PTPRU: variants seen among roughly 807,000 people sequenced by gnomAD.
The protein encoded by PTPRU is protein tyrosine phosphatase receptor type U, also known as receptor-type tyrosine-protein phosphatase U.
Under a neutral mutation model 166.3 loss-of-function variants are expected in PTPRU, and 69 were observed. The ratio of observed to expected loss-of-function variants is 0.41; its 90% confidence interval spans 0.34 to 0.51. The LOEUF is 0.51. Ranked by LOEUF, PTPRU falls within the 20% of genes least tolerant of loss-of-function variation. The pLI is 0.09. For synonymous variants in PTPRU, 793 were observed against 814.0 expected (o/e 0.97, Z 0.44); for missense variants, 1,657 against 2,013.7 (o/e 0.82, Z 3.39).
chr1:29,290,665 C>T (rs928457253), intron 14 of PTPRU, among the ~76,000 whole-genome samples: 8 of 152,252 alleles, frequency 5.3e-5, no homozygotes, highest in East Asian at 1.9e-4. Flanking sequence ...CAACACCCAG[C>T]GACTCGCGCT....
intron 7 of PTPRU, among the ~76,000 whole-genome samples, chr1:29,267,006 C>T (rs1685333862): frequency 1.3e-5 from 2 of 152,052 alleles, no homozygotes; most frequent in Non-Finnish European, 1.5e-5. Context: ...GGGAGGAATG[C>T]TTGAGGCAAG....
chr1:29,282,674 A>C lies in PTPRU; in HGVS notation c.1869-2A>C. On this transcript the variant is annotated splice_acceptor_variant, in intron 11 of 29. Transcript: ENST00000373779. LOFTEE classifies it high-confidence loss of function. ...CCCCTGTACGCTCTCCTCCCTGTCC[A>C]GTGTGTACCAGGTGATTGTGGAGGA... 1 of 1,611,784 alleles carries C rather than the reference A, an allele frequency of 6.2e-7. No homozygotes were observed. The highest frequency in any genetic ancestry group is 8.5e-7 in the Non-Finnish European group (1 of 1,179,674).
At position 29,303,946 on chromosome 1, in the gene PTPRU, C is replaced by T. The variant is rs1687260922; in HGVS notation, c.2568C>T (p.His856=). 1 of 1,613,966 alleles carries T rather than the reference C, an allele frequency of 6.2e-7. No homozygotes were observed. Among genetic ancestry groups the T allele is most frequent in the South Asian group, 1.1e-5 (1 of 91,088 alleles). Residue 856 remains histidine, a synonymous_variant, in exon 16 of 30, where the codon CAC becomes CAT. Coordinates refer to ENST00000373779, the MANE Select transcript of PTPRU (RefSeq NM_133178.4). ...GTGGCCGGAAGGGCTCCCCATACCA[C>T]ACGGGGCAGCTGCACCCTGCGGTGC... ...RPCGRKGSPY[H]TGQLHPAVRV...
At chr1:29,289,216 A>ATG (rs369417463) in intron 14 of PTPRU, among the ~76,000 whole-genome samples, 30 of 151,134 alleles carry the variant, frequency 2.0e-4, no homozygotes, top group South Asian at 8.3e-4. Context: ...GGGATGTCTA[A>ATG]TGTGTGTGTG....
chr1:29,311,771 C>A lies in PTPRU; in HGVS notation c.3072+12C>A, dbSNP rs765691169. The A allele has an allele frequency of 9.3e-6, 15 of 1,608,756 alleles. No homozygotes were observed. The highest frequency in any genetic ancestry group is 1.1e-5 in the Non-Finnish European group (13 of 1,175,832). On this transcript the variant is annotated intron_variant, in intron 21 of 29. Transcript: ENST00000373779. This position sits in a 1 kb window ranked among gnomAD's most constrained non-coding sequence, Gnocchi z 4.1. ...TTGCCCTGGAGCGGGTGAGTCTCCC[C>A]ACCGCCTGTTCCCTGCAGAGGGTGC... is the stretch of plus-strand genomic sequence containing the variant.
chr1:29,293,753 C>T (rs918685297), intron 15 of PTPRU, among the ~76,000 whole-genome samples: 2 of 152,186 alleles, frequency 1.3e-5, no homozygotes, highest in Non-Finnish European at 2.9e-5. Flanking sequence ...GGATTACAGG[C>T]GTGAGCCACT....
chr1:29,279,606 G>A lies in PTPRU; in HGVS notation c.1714G>A (p.Gly572Ser), dbSNP rs1040734490. The change falls in exon 10 of 30, where the codon GGC (glycine) becomes AGC (serine). Residue 572 changes from glycine (G) to serine (S), a missense_variant. Around this residue, in one of 3 missense-constraint regions of PTPRU, gnomAD observed 1,190 missense variants for 1,477.4 expected, o/e 0.81. Coordinates refer to ENST00000373779, the MANE Select transcript of PTPRU (RefSeq NM_133178.4). The surrounding 1 kb of genome is among the most constrained non-coding windows in gnomAD (Gnocchi z 5.2). ...TYLFSVRART[G>S]KGFGQAALTE... is the part of the protein sequence containing the mutation. Reference sequence around the variant, plus strand: ...CCTGTTCTCCGTGCGGGCCCGCACAGGCAAAGGCTTCGGCCAGGCGGCACT... The same window carrying A: ...CCTGTTCTCCGTGCGGGCCCGCACAAGCAAAGGCTTCGGCCAGGCGGCACT... 6.2e-7 allele frequency: 1 copy of A among 1,613,982 alleles called. No individual in the cohort carries two copies. The highest frequency in any genetic ancestry group is 8.5e-7 in the Non-Finnish European group (1 of 1,180,042).
At chr1:29,285,914 C>T (rs1212064161) in intron 14 of PTPRU, among the ~76,000 whole-genome samples, 2 of 152,226 alleles carry the variant, frequency 1.3e-5, no homozygotes, top group East Asian at 3.9e-4. Context: ...CTAGAGGGCA[C>T]GCAGGGCTGC....
chr1:29,243,968 A>G (rs1684173119), intron 1 of PTPRU, among the ~76,000 whole-genome samples: 2 of 152,140 alleles, frequency 1.3e-5, no homozygotes, highest in Admixed American at 6.5e-5. Context: ...CTGCTTCCAG[A>G]TGACGCAGGA....
chr1:29,268,659 T>C (rs949969242), intron 7 of PTPRU, among the ~76,000 whole-genome samples: 1 of 152,244 alleles, frequency 6.6e-6, no homozygotes, highest in African/African-American at 2.4e-5. Flanking sequence ...ATTAAATGCA[T>C]GTGAAGTATA....
chr1:29,260,767 C>T lies in PTPRU; in HGVS notation c.1008C>T (p.Ala336=). 1.2e-6 allele frequency: 2 copies of T among 1,613,334 alleles called. No homozygotes were observed. Among genetic ancestry groups the T allele is most frequent in the East Asian group, 2.2e-5 (1 of 44,784 alleles). The part of the protein sequence containing the change: ...MARGPWAEVH[A]VSLQTYKLWH... ...GCGGGCCCTGGGCTGAGGTGCACGC[C>T]GTCAGCCTGCAGACCTACAAGCTGT... Residue 336 remains alanine, a synonymous_variant, in exon 7 of 30, where the codon GCC becomes GCT. Transcript: ENST00000373779. This position sits in a 1 kb window ranked among gnomAD's most constrained non-coding sequence, Gnocchi z 8.3.
chr1:29,238,026 A>C lies in PTPRU; in HGVS notation c.73+1309A>C, dbSNP rs1378943707. ...GGACACTCCCTTGGTGGAGCCTGCAACTTTGTGCGGCCTCCCGGCCGGCCG... is the reference window on the plus strand; with the variant it reads ...GGACACTCCCTTGGTGGAGCCTGCACCTTTGTGCGGCCTCCCGGCCGGCCG... On this transcript the variant is annotated intron_variant, in intron 1 of 29. Coordinates refer to ENST00000373779, the MANE Select transcript of PTPRU (RefSeq NM_133178.4). This position sits in a 1 kb window ranked among gnomAD's most constrained non-coding sequence, Gnocchi z 6.1. Among the ~76,000 whole-genome samples, 2 of 150,590 alleles carry C rather than the reference A, an allele frequency of 1.3e-5. No individual in the cohort carries two copies. The highest frequency in any genetic ancestry group is 1.5e-5 in the Non-Finnish European group (1 of 67,514).
At chr1:29,289,851 C>T in intron 14 of PTPRU, 1 of 965,114 alleles carries the variant, frequency 1.0e-6, no homozygotes, top group Non-Finnish European at 1.6e-6. Context: ...GTCACCTCGG[C>T]CTCTGACTTT....
intron 25 of PTPRU, among the ~76,000 whole-genome samples, chr1:29,318,474 A>G (rs1382398225): frequency 6.6e-6 from 1 of 152,202 alleles, no homozygotes; most frequent in Non-Finnish European, 1.5e-5. Context: ...GGGTGCTGGC[A>G]TTTTAGTCCC....
At chr1:29,240,513 CCA>C (rs1418356253) in intron 1 of PTPRU, among the ~76,000 whole-genome samples, 2 of 152,142 alleles carry the variant, frequency 1.3e-5, no homozygotes, top group African/African-American at 4.8e-5. Context: ...AGGTTTCCCT[CCA>C]GGAATCTGGA....
At position 29,280,659 on chromosome 1, in the gene PTPRU, G is replaced by GTA. The variant is rs1471450097; in HGVS notation, c.1868+519_1868+520insAT. 6.6e-6 allele frequency among the ~76,000 whole-genome samples: 1 copy of GTA among 151,522 alleles called. No homozygotes were observed. The highest frequency in any genetic ancestry group is 1.5e-5 in the Non-Finnish European group (1 of 67,886). Reference sequence around the variant, plus strand: ...GTGCTGGAGACAAGACTGTGTGTGTGTGTGTGTGTGTGTGTGTGTGTATGT... The same window carrying GTA: ...GTGCTGGAGACAAGACTGTGTGTGTGTATGTGTGTGTGTGTGTGTGTGTATGT... On this transcript the variant is annotated intron_variant, in intron 11 of 29. Transcript: ENST00000373779. The surrounding 1 kb of genome is among the most constrained non-coding windows in gnomAD (Gnocchi z 4.2).
chr1:29,259,691 C>T, intron 5 of PTPRU, 127 bp downstream of exon 5: 2 of 1,243,466 alleles, frequency 1.6e-6, no homozygotes, highest in Non-Finnish European at 2.2e-6. Flanking sequence ...AGCGTCCCGG[C>T]CCTCCCCTAG....
At chr1:29,306,712 G>C (rs182749332) in intron 18 of PTPRU, among the ~76,000 whole-genome samples, 1 of 152,194 alleles carries the variant, frequency 6.6e-6, no homozygotes, top group Non-Finnish European at 1.5e-5. Flanking sequence ...GCACAGGTCT[G>C]GGAGCCGAGG....
chr1:29,252,899 G>T (rs1684618626), intron 1 of PTPRU, among the ~76,000 whole-genome samples: 3 of 152,190 alleles, frequency 2.0e-5, no homozygotes, highest in South Asian at 2.1e-4. Context: ...CTCCAATTCA[G>T]TTCTAGCACA....
Sources: gnomAD v4.1 joint callset for allele counts (sites outside exome capture counted in the v4.1 genomes callset) on GRCh38, gnomAD v4.1.1 for gene constraint, gnomAD v4.1.1 regional missense constraint, Gnocchi (gnomAD v3.1) non-coding constraint, MANE v1.5 for transcripts, NCBI Gene and HGNC (gene_info 2026-07-23, HGNC 2026-07-21) for gene names.